Variants in TTLL7 observed in about 807,000 individuals in gnomAD.
TTLL7 encodes tubulin polyglutamylase TTLL7.
In TTLL7, 53 loss-of-function variants were observed where a neutral mutation model predicts 120.2. The ratio of observed to expected loss-of-function variants is 0.44; its 90% CI spans 0.35 to 0.55. The LOEUF is 0.55. TTLL7 is among the 20% of genes least tolerant of loss of function. The pLI is 0.00. For missense variants in TTLL7, 803 were observed against 1,054.7 expected (o/e 0.76, Z 3.31); for synonymous variants, 353 against 351.7 (o/e 1.00, Z -0.04).
At chr1:83,985,325 C>G (rs1043435232) in intron 1 of TTLL7, among the ~76,000 whole-genome samples, 4 of 152,142 alleles carry the variant, frequency 2.6e-5, no homozygotes, top group Non-Finnish European at 5.9e-5. Context: ...AGGAAGCATC[C>G]AAGGCTGGAG....
intron 2 of TTLL7, 84 bp downstream of exon 2, chr1:83,952,103 T>C: frequency 7.3e-6 from 11 of 1,507,660 alleles, no homozygotes; most frequent in Non-Finnish European, 9.1e-6. Context: ...AGTCCCCAAT[T>C]AATTTTTAAT....
intron 1 of TTLL7, chr1:83,984,083 CCT>C (rs1652220607): frequency 7.9e-6 from 1 of 127,256 alleles, no homozygotes; most frequent in Non-Finnish European, 1.9e-5. Flanking sequence ...AGAGTGAGAC[CCT>C]GTTTCAAAAA....
chr1:83,969,708 TTAA>T (rs1650805543), intron 1 of TTLL7, among the ~76,000 whole-genome samples: 3 of 152,022 alleles, frequency 2.0e-5, no homozygotes, highest in Non-Finnish European at 4.4e-5. Context: ...CAAGCCATTA[TTAA>T]TAATACCTGT....
chr1:83,891,345 T>C (rs1036797664), intron 18 of TTLL7, among the ~76,000 whole-genome samples: 13 of 151,724 alleles, frequency 8.6e-5, no homozygotes, highest in Non-Finnish European at 1.3e-4. Context: ...CCAATAAACA[T>C]AAAGAACAAA....
intron 18 of TTLL7, among the ~76,000 whole-genome samples, chr1:83,893,902 G>A (rs985547523): frequency 2.0e-5 from 3 of 151,928 alleles, no homozygotes; most frequent in Non-Finnish European, 2.9e-5. Flanking sequence ...AGTAGTGTGT[G>A]AAAAACCTCA....
chr1:83,879,034 C>T (rs867648284), intron 20 of TTLL7, among the ~76,000 whole-genome samples: 1 of 151,778 alleles, frequency 6.6e-6, no homozygotes, highest in East Asian at 1.9e-4. Context: ...AGGTATACTT[C>T]ATAAGTTATT....
chr1:83,900,228 G>T, intron 18 of TTLL7: 1 of 411,034 alleles, frequency 2.4e-6, no homozygotes, highest in African/African-American at 2.1e-5. Context: ...GAAGCAGCTA[G>T]CTTGCTACTG....
At chr1:83,919,858 A>G in intron 12 of TTLL7, 24 bp from the exon 13 acceptor site, 1 of 1,602,810 alleles carries the variant, frequency 6.2e-7, no homozygotes, top group Non-Finnish European at 8.5e-7. Flanking sequence ...AGATAAACCA[A>G]TTTTTTAAAA....
chr1:83,905,957 T>C (rs1657165513), intron 17 of TTLL7, among the ~76,000 whole-genome samples: 1 of 152,154 alleles, frequency 6.6e-6, no homozygotes, highest in South Asian at 2.1e-4. Flanking sequence ...ACATTTTTCA[T>C]CATACCCCAT....
intron 18 of TTLL7, among the ~76,000 whole-genome samples, chr1:83,902,416 C>G (rs1348011069): frequency 1.3e-5 from 2 of 151,934 alleles, no homozygotes; most frequent in African/African-American, 4.8e-5. Flanking sequence ...TCCCCACCAC[C>G]CCTCTAAATT....
At chr1:83,949,578 G>A (rs1648843646) in intron 4 of TTLL7, 1 of 311,236 alleles carries the variant, frequency 3.2e-6, no homozygotes, top group South Asian at 4.0e-5. Flanking sequence ...CACCCGCCTT[G>A]GCCTCCCAAA....
At chr1:83,878,348 G>GTT (rs145440840) in intron 20 of TTLL7, among the ~76,000 whole-genome samples, 1 of 151,798 alleles carries the variant, frequency 6.6e-6, no homozygotes, top group Non-Finnish European at 1.5e-5. Context: ...TCTTTACTGA[G>GTT]TTTTTTCTGA....
intron 19 of TTLL7, among the ~76,000 whole-genome samples, chr1:83,884,832 C>T (rs1654847746): frequency 6.6e-6 from 1 of 151,214 alleles, no homozygotes. Flanking sequence ...GTGTAACTAA[C>T]CTGCACATTG....
intron 1 of TTLL7, among the ~76,000 whole-genome samples, chr1:83,989,475 G>T (rs1021566638): frequency 6.6e-6 from 1 of 151,976 alleles, no homozygotes; most frequent in Non-Finnish European, 1.5e-5. Context: ...TAACCATGTG[G>T]CTTTATTTCT....
intron 1 of TTLL7, among the ~76,000 whole-genome samples, chr1:83,992,624 T>A (rs1035623282): frequency 1.3e-5 from 2 of 152,104 alleles, no homozygotes; most frequent in Non-Finnish European, 2.9e-5. Context: ...GCTCCATTTT[T>A]CACATTGTAA....
At chr1:83,998,593 A>T (rs964567489) in intron 1 of TTLL7, among the ~76,000 whole-genome samples, 1 of 152,182 alleles carries the variant, frequency 6.6e-6, no homozygotes, top group Non-Finnish European at 1.5e-5. Context: ...GGAATTACAG[A>T]ATAAACCAGC....
intron 12 of TTLL7, 149 bp from the exon 13 acceptor site, chr1:83,919,983 G>T: frequency 1.8e-6 from 1 of 556,304 alleles, no homozygotes; most frequent in Non-Finnish European, 2.9e-6. Context: ...AGTGCAAAAT[G>T]ATATTAAATA....
chr1:83,992,319 G>T (rs1653074248), intron 1 of TTLL7, among the ~76,000 whole-genome samples: 1 of 151,924 alleles, frequency 6.6e-6, no homozygotes, highest in Non-Finnish European at 1.5e-5. Flanking sequence ...AAAAAATAAT[G>T]GGTTGAAAAG....
chr1:83,976,711 T>A (rs896457865), intron 1 of TTLL7, among the ~76,000 whole-genome samples: 10 of 152,202 alleles, frequency 6.6e-5, no homozygotes, highest in South Asian at 2.1e-4. Context: ...TAGCCAATGT[T>A]TTATACCAGC....
Sources: gnomAD v4.1 joint callset for allele counts (sites outside exome capture counted in the v4.1 genomes callset) on GRCh38, gnomAD v4.1.1 for gene constraint, MANE v1.5 for transcripts, NCBI Gene and HGNC (gene_info 2026-07-23, HGNC 2026-07-21) for gene names.